Variants in LRRC9 observed in about 807,000 individuals in gnomAD.
LRRC9 encodes the protein leucine rich repeat containing 9, also known as leucine-rich repeat-containing protein 9.
Under a neutral mutation model 63.2 loss-of-function variants are expected in LRRC9, and 122 were observed. That is an observed-to-expected ratio of 1.93 (90% CI 1.67 to 2.24). The LOEUF (loss-of-function observed/expected upper bound fraction) is 2.24, where lower values mean the gene tolerates loss of function less well. Among genes scored for constraint, LRRC9 ranks in the 30% most tolerant of loss-of-function variants. LRRC9 has a pLI of 0.00. For synonymous variants in LRRC9, 366 were observed against 213.1 expected (o/e 1.72, Z -6.25); for missense variants, 1,071 against 627.7 (o/e 1.71, Z -7.55).
Position 59,942,447 on chromosome 14 carries a change from T to C in LRRC9, c.727-2142T>C, listed in dbSNP as rs1207158241. Among the ~76,000 whole-genome samples the C allele has an allele frequency of 6.6e-6, 1 of 152,174 alleles. No homozygotes were observed. Among genetic ancestry groups the C allele is most frequent in the African/African-American group, 2.4e-5 (1 of 41,462 alleles). On this transcript the variant is annotated intron_variant, in intron 7 of 31. Coordinates refer to ENST00000445360, the Ensembl canonical transcript of LRRC9. This position sits in a 1 kb window ranked among gnomAD's most constrained non-coding sequence, Gnocchi z 5.3. The stretch of plus-strand genomic sequence containing the variant: ...TGTTTTTCATAGTGGCTGTACTAAT[T>C]TACATTTCTACTACCAGCGTATGAG...
chr14:60,049,480 T>C (rs965264605), intron 29 of LRRC9, among the ~76,000 whole-genome samples: 2 of 152,214 alleles, frequency 1.3e-5, no homozygotes, highest in Admixed American at 1.3e-4. Flanking sequence ...CATTTGTTTG[T>C]CTGAAAAGGA....
At chr14:60,021,503 A>G (rs985244888) in intron 26 of LRRC9, among the ~76,000 whole-genome samples, 16 of 151,894 alleles carry the variant, frequency 1.1e-4, no homozygotes, top group Admixed American at 2.0e-4. Context: ...AGTCTAATTT[A>G]CCATCTTTTC....
At chr14:59,967,655 CT>C (rs1212270579) in intron 12 of LRRC9, among the ~76,000 whole-genome samples, 2 of 152,222 alleles carry the variant, frequency 1.3e-5, no homozygotes, top group Non-Finnish European at 2.9e-5. Context: ...GCTGATCTTG[CT>C]TTATCATTGG....
rs912688453 is a variant in LRRC9, at chr14:59,977,379, A to C, written c.1762+32A>C. On this transcript the variant is annotated intron_variant, in intron 14 of 31. Coordinates refer to ENST00000445360, the Ensembl canonical transcript of LRRC9. ...CTATCATAAAGATTAATGTGGTTTT[A>C]TCTCTCTGAATGAAAAATGTTTGTG... 5 of 638,244 alleles carry C rather than the reference A, an allele frequency of 7.8e-6. No individual in the cohort carries two copies. In the Admixed American group the frequency reaches 1.4e-4, roughly 18 times the overall value. 39.5% of individuals were successfully genotyped at this position (638,244 alleles called of 1,614,324 possible).
intron 23 of LRRC9, among the ~76,000 whole-genome samples, chr14:60,009,354 A>G (rs1353262721): frequency 6.6e-6 from 1 of 152,220 alleles, no homozygotes; most frequent in South Asian, 2.1e-4. Flanking sequence ...AAGGAAGCGT[A>G]AAGTCATGTC....
At chr14:59,996,164 A>G (rs1888767439) in intron 17 of LRRC9, among the ~76,000 whole-genome samples, 1 of 152,112 alleles carries the variant, frequency 6.6e-6, no homozygotes, top group African/African-American at 2.4e-5. Context: ...CATATAGTAA[A>G]TTCTTATAAA....
intron 29 of LRRC9, among the ~76,000 whole-genome samples, chr14:60,044,679 T>G (rs1270736284): frequency 6.6e-6 from 1 of 152,218 alleles, no homozygotes; most frequent in East Asian, 1.9e-4. Context: ...TTTTCAGAAT[T>G]TGTACAAACA....
At chr14:60,019,414 C>G (rs976517960) in intron 26 of LRRC9, among the ~76,000 whole-genome samples, 154 bp downstream of exon 26, 6 of 151,784 alleles carry the variant, frequency 4.0e-5, no homozygotes, top group African/African-American at 1.2e-4. Context: ...CAAAAATAAA[C>G]TTCATAATAA....
intron 30 of LRRC9, among the ~76,000 whole-genome samples, chr14:60,055,070 T>C (rs1437091675): frequency 6.6e-6 from 1 of 152,226 alleles, no homozygotes; most frequent in African/African-American, 2.4e-5. Context: ...CCCTTACTTT[T>C]TTATTAACTC....
Position 60,003,541 on chromosome 14 carries a change from C to T in LRRC9, c.2665-80C>T. 1 of 553,880 alleles carries T rather than the reference C, an allele frequency of 1.8e-6. No homozygotes were observed. Among genetic ancestry groups the T allele is most frequent in the South Asian group, 2.6e-5 (1 of 38,980 alleles). 34.3% of individuals were successfully genotyped at this position (553,880 alleles called of 1,614,324 possible). ...TCTATTTATCACATTTGAATTATTTCATTAGCTTTTTAAAATGTTATTAAC... is the reference window on the plus strand; with the variant it reads ...TCTATTTATCACATTTGAATTATTTTATTAGCTTTTTAAAATGTTATTAAC... On this transcript the variant is annotated intron_variant, in intron 20 of 31. Transcript: ENST00000445360. This position sits in a 1 kb window ranked among gnomAD's most constrained non-coding sequence, Gnocchi z 4.2.
In LRRC9 at chr14:60,027,902, T is replaced by G; in HGVS notation, c.3722T>G (p.Val1241Gly). The change falls in exon 28 of 32, where the codon GTT (valine) becomes GGT (glycine). Residue 1241 changes from valine (V) to glycine (G), a missense_variant. By Grantham distance (109) the Val-to-Gly change is moderately radical. Transcript: ENST00000445360. The surrounding 1 kb of genome is among the most constrained non-coding windows in gnomAD (Gnocchi z 4.0). Reference sequence around the variant, plus strand: ...TTTTTAGGTAATGAAATCAGCCAAGTTGAAGGGCTTGACAACTTAGTAGTC... The same window carrying G: ...TTTTTAGGTAATGAAATCAGCCAAGGTGAAGGGCTTGACAACTTAGTAGTC... The G allele has an allele frequency of 1.4e-6, 1 of 700,208 alleles. No homozygotes were observed. Among genetic ancestry groups the G allele is most frequent in the East Asian group, 2.7e-5 (1 of 37,232 alleles). The allele number at this position is 700,208 out of a possible 1,614,324, so 43.4% of individuals were successfully genotyped here. A position where few individuals can be genotyped will look rare whatever the true frequency, so the allele number is the denominator to read the frequency against.
rs980459193 is a variant in LRRC9, at chr14:59,930,237, A to G, written c.268-681A>G. Among the ~76,000 whole-genome samples the G allele has an allele frequency of 4.7e-4, 72 of 152,132 alleles. No homozygotes were observed. The highest frequency in any genetic ancestry group is 1.7e-3 in the African/African-American group (72 of 41,550). On this transcript the variant is annotated intron_variant, in intron 3 of 31. Coordinates refer to ENST00000445360, the Ensembl canonical transcript of LRRC9. The surrounding 1 kb of genome is among the most constrained non-coding windows in gnomAD (Gnocchi z 4.9). ...TGGCTGTGTTGAAATTATAACATCT[A>G]TTTTGAAAAGAAATATTGCAAAACA...
At chr14:59,973,301 TG>T (rs1208574152) in intron 12 of LRRC9, among the ~76,000 whole-genome samples, 4 of 152,076 alleles carry the variant, frequency 2.6e-5, no homozygotes. Flanking sequence ...TTTCTATATT[TG>T]CCTTTCTTAA....
rs1001912493 is a variant in LRRC9 at position 59,930,548 on chromosome 14, G to A, written c.268-370G>A. ...AATTTAAAGAGTCCCACAAAATTGT[G>A]TGTGCATTAGGATTATAAAGTGCTT... On this transcript the variant is annotated intron_variant, in intron 3 of 31. Transcript: ENST00000445360. The surrounding 1 kb of genome is among the most constrained non-coding windows in gnomAD (Gnocchi z 4.9). 2.0e-5 allele frequency among the ~76,000 whole-genome samples: 3 copies of A among 151,790 alleles called. No homozygotes were observed. Among genetic ancestry groups the A allele is most frequent in the African/African-American group, 2.4e-5 (1 of 41,360 alleles).
In LRRC9 at chr14:60,027,838, AG is replaced by A. The variant is rs1247295143; in HGVS notation, c.3704-44del. The A allele has an allele frequency of 1.6e-6, 1 of 611,216 alleles. No homozygotes were observed. The highest frequency in any genetic ancestry group is 2.9e-6 in the Non-Finnish European group (1 of 341,240). The allele number at this position is 611,216 out of a possible 1,614,324, so 37.9% of individuals were successfully genotyped here. A position where few individuals can be genotyped will look rare whatever the true frequency, so the allele number is the denominator to read the frequency against. Reference sequence around the variant, plus strand: ...AATGTAAGTAGATATCCTTTACTTCAGGAAGTTTGGGCTCACTTGATATATC... The same window carrying A: ...AATGTAAGTAGATATCCTTTACTTCAGAAGTTTGGGCTCACTTGATATATC... On this transcript the variant is annotated intron_variant, in intron 27 of 31. Coordinates refer to ENST00000445360, the Ensembl canonical transcript of LRRC9. The surrounding 1 kb of genome is among the most constrained non-coding windows in gnomAD (Gnocchi z 4.0).
In LRRC9 at chr14:59,958,973, G is replaced by T. The variant is rs1403745126; in HGVS notation, c.883-845G>T. 6.6e-6 allele frequency among the ~76,000 whole-genome samples: 1 copy of T among 152,192 alleles called. No individual in the cohort carries two copies. Among genetic ancestry groups the T allele is most frequent in the East Asian group, 1.9e-4 (1 of 5,196 alleles). On this transcript the variant is annotated intron_variant, in intron 8 of 31. Coordinates refer to ENST00000445360, the Ensembl canonical transcript of LRRC9. The surrounding 1 kb of genome is among the most constrained non-coding windows in gnomAD (Gnocchi z 4.0). Reference sequence around the variant, plus strand: ...AACCAGTCTCACTGAGATGAACAGGGTACCTCAGTTGGAAATGCAGTAATC... The same window carrying T: ...AACCAGTCTCACTGAGATGAACAGGTTACCTCAGTTGGAAATGCAGTAATC...
At chr14:59,949,512 G>T (rs1378204514) in intron 8 of LRRC9, among the ~76,000 whole-genome samples, 2 of 150,958 alleles carry the variant, frequency 1.3e-5, no homozygotes, top group African/African-American at 4.9e-5. Context: ...ATTTCCTTCA[G>T]TTCTGCTCTG....
intron 7 of LRRC9, among the ~76,000 whole-genome samples, chr14:59,940,617 A>G (rs1881661590): frequency 6.6e-6 from 1 of 152,154 alleles, no homozygotes; most frequent in Non-Finnish European, 1.5e-5. Flanking sequence ...TTCTGAACTG[A>G]AACAAAGATG....
In LRRC9 at chr14:59,922,737, T is replaced by TGA. The variant is rs1888890628; in HGVS notation, c.-34+2863_-34+2864dup. Among the ~76,000 whole-genome samples the TGA allele has an allele frequency of 1.3e-5, 2 of 152,182 alleles. No individual in the cohort carries two copies. Among genetic ancestry groups the TGA allele is most frequent in the Admixed American group, 6.5e-5 (1 of 15,282 alleles). On this transcript the variant is annotated intron_variant, in intron 1 of 31. Transcript: ENST00000445360. The surrounding 1 kb of genome is among the most constrained non-coding windows in gnomAD (Gnocchi z 5.3). Reference sequence around the variant, plus strand: ...TGAAAATGGGGTCAAGATCATCTACTGAGAGAGAGACCTTGAAAAGAGTGG... The same window carrying TGA: ...TGAAAATGGGGTCAAGATCATCTACTGAGAGAGAGAGACCTTGAAAAGAGTGG...
Sources: gnomAD v4.1 joint callset for allele counts (sites outside exome capture counted in the v4.1 genomes callset) on GRCh38, gnomAD v4.1.1 for gene constraint, Gnocchi (gnomAD v3.1) non-coding constraint, MANE v1.5 for transcripts, NCBI Gene and HGNC (gene_info 2026-07-23, HGNC 2026-07-21) for gene names.